Variants in RASAL2 observed in about 807,000 individuals in gnomAD.
RASAL2 encodes ras GTPase-activating protein nGAP.
RASAL2 carries 58 observed loss-of-function variants against 128.9 expected under a neutral mutation model. The ratio of observed to expected loss-of-function variants is 0.45; its 90% CI spans 0.36 to 0.56. RASAL2 has a LOEUF of 0.56. RASAL2 is among the 20% of genes least tolerant of loss of function. The pLI, the probability that RASAL2 is intolerant of heterozygous loss-of-function variation, is 0.00. For missense variants in RASAL2, 1,360 were observed against 1,601.6 expected (o/e 0.85, Z 2.57); for synonymous variants, 561 against 580.8 (o/e 0.97, Z 0.49).
chr1:178,223,723 C>A (rs1663693603), intron 1 of RASAL2, among the ~76,000 whole-genome samples: 1 of 151,978 alleles, frequency 6.6e-6, no homozygotes, highest in South Asian at 2.1e-4. Flanking sequence ...TTAGGAGGCT[C>A]TTGTAATCCA....
chr1:178,135,033 C>T (rs1660266064), intron 1 of RASAL2, among the ~76,000 whole-genome samples: 1 of 152,194 alleles, frequency 6.6e-6, no homozygotes, highest in African/African-American at 2.4e-5. Context: ...GAGTCCTTCT[C>T]CACCATGATA....
intron 1 of RASAL2, among the ~76,000 whole-genome samples, chr1:178,133,734 G>A (rs2102311352): frequency 6.6e-6 from 1 of 152,246 alleles, no homozygotes; most frequent in South Asian, 2.1e-4. Context: ...GAATCCCCCT[G>A]AGGTTTAAAT....
In RASAL2 at chr1:178,109,496, T is replaced by C. The variant is rs550274713; in HGVS notation, c.202+14802T>C. ...TTCCTCTTGAGCCTGACTATACTTA[T>C]GGTACATATGCTTTATAATTCATAA... On this transcript the variant is annotated intron_variant, in intron 1 of 17. Coordinates refer to ENST00000367649, the MANE Select transcript of RASAL2 (RefSeq NM_170692.4). 3.0e-3 allele frequency among the ~76,000 whole-genome samples: 454 copies of C among 152,346 alleles called. 2 individuals are homozygous for C. Among genetic ancestry groups the C allele is most frequent in the African/African-American group, 0.01 (436 of 41,576 alleles).
At chr1:178,440,783 A>G (rs1444077746) in intron 6 of RASAL2, among the ~76,000 whole-genome samples, 3 of 152,178 alleles carry the variant, frequency 2.0e-5, no homozygotes, top group South Asian at 2.1e-4. Context: ...ATAAATGACT[A>G]GAAATCAACA....
intron 1 of RASAL2, among the ~76,000 whole-genome samples, chr1:178,266,789 C>G (rs779223424): frequency 6.6e-6 from 1 of 152,094 alleles, no homozygotes; most frequent in African/African-American, 2.4e-5. Flanking sequence ...ATTCATGTAG[C>G]CTGTGGGAAA....
chr1:178,111,148 A>G (rs1206278450), intron 1 of RASAL2, among the ~76,000 whole-genome samples: 1 of 152,192 alleles, frequency 6.6e-6, no homozygotes, highest in East Asian at 1.9e-4. Flanking sequence ...TCCCATCGAT[A>G]TTCTACAATT....
chr1:178,212,293 A>G (rs1352636446), intron 1 of RASAL2, among the ~76,000 whole-genome samples: 2 of 152,206 alleles, frequency 1.3e-5, no homozygotes, highest in Non-Finnish European at 2.9e-5. Context: ...ATTCCCAAAC[A>G]CAAAATGTAA....
At chr1:178,303,348 A>G (rs926080352) in intron 3 of RASAL2, among the ~76,000 whole-genome samples, 1 of 152,164 alleles carries the variant, frequency 6.6e-6, no homozygotes, top group Admixed American at 6.5e-5. Flanking sequence ...GGATAAAGAA[A>G]GATTTCTTAA....
chr1:178,464,827 A>AGTT (rs1337036563), intron 15 of RASAL2, among the ~76,000 whole-genome samples: 3 of 34,874 alleles, frequency 8.6e-5, no homozygotes, highest in African/African-American at 4.4e-4. Flanking sequence ...TTTTGGTTTT[A>AGTT]GTTGTTTTTT....
At chr1:178,417,751 C>A (rs1674858654) in intron 4 of RASAL2, among the ~76,000 whole-genome samples, 1 of 121,352 alleles carries the variant, frequency 8.2e-6, no homozygotes. Context: ...AAGAGTGAAA[C>A]TCCGTCTAAA....
intron 9 of RASAL2, among the ~76,000 whole-genome samples, chr1:178,447,215 A>G (rs1417974725): frequency 6.6e-6 from 1 of 152,034 alleles, no homozygotes; most frequent in Non-Finnish European, 1.5e-5. Flanking sequence ...CCAGCTACTC[A>G]GGAGGCCAAG....
chr1:178,185,903 T>C (rs1299705208), intron 1 of RASAL2, among the ~76,000 whole-genome samples: 1 of 152,160 alleles, frequency 6.6e-6, no homozygotes, highest in Non-Finnish European at 1.5e-5. Flanking sequence ...GCTTCATAGA[T>C]TGAATTAGGA....
intron 2 of RASAL2, 36 bp from the exon 3 acceptor site, chr1:178,299,956 A>G: frequency 6.2e-7 from 1 of 1,604,740 alleles, no homozygotes; most frequent in Non-Finnish European, 8.5e-7. Context: ...TGGTGAGTTC[A>G]CTATTAAGTT....
chr1:178,275,638 C>T (rs1278689969), intron 1 of RASAL2, among the ~76,000 whole-genome samples: 3 of 152,142 alleles, frequency 2.0e-5, no homozygotes, highest in African/African-American at 2.4e-5. Context: ...TACTTTTTTA[C>T]CAGATAACTC....
rs1483816781 is a variant in RASAL2, at chr1:178,468,152, TTTTTA to T, written c.3678+738_3678+742del. Among the ~76,000 whole-genome samples, 4 of 152,240 alleles carry T rather than the reference TTTTTA, an allele frequency of 2.6e-5. No homozygotes were observed. The East Asian group carries it at 7.7e-4, about 29-fold the overall frequency. On this transcript the variant is annotated intron_variant, in intron 17 of 17. Coordinates refer to ENST00000367649, the MANE Select transcript of RASAL2 (RefSeq NM_170692.4). ...GGAGGCAAGAAGTGTTTCTAACTCC[TTTTTA>T]TTTTATCATTGCAAAATATGGTTGT...
intron 1 of RASAL2, among the ~76,000 whole-genome samples, chr1:178,099,001 A>G (rs983071257): frequency 2.0e-5 from 3 of 152,230 alleles, no homozygotes; most frequent in African/African-American, 7.2e-5. Flanking sequence ...GACAGAAGTC[A>G]TATCTGGTTG....
chr1:178,343,583 A>G (rs1669992565), intron 3 of RASAL2, among the ~76,000 whole-genome samples: 2 of 152,202 alleles, frequency 1.3e-5, no homozygotes, highest in African/African-American at 2.4e-5. Flanking sequence ...TGGCCTGAGT[A>G]TATTTTCTGA....
chr1:178,094,812 A>ATG, intron 1 of RASAL2, 118 bp downstream of exon 1: 1 of 1,258,072 alleles, frequency 7.9e-7, no homozygotes, highest in South Asian at 1.5e-5. Flanking sequence ...AGTTTCCCAC[A>ATG]TCCCTTTTTG....
intron 1 of RASAL2, among the ~76,000 whole-genome samples, chr1:178,110,650 A>ATATATATATATATG (rs68137228): frequency 0.078 from 10,871 of 138,944 alleles, 604 homozygotes; most frequent in Middle Eastern, 0.18. Flanking sequence ...ATATATATAT[A>ATATATATATATATG]TATGTATGTA....
Sources: allele counts gnomAD v4.1 joint callset (sites outside exome capture counted in the v4.1 genomes callset), GRCh38; gene constraint gnomAD v4.1.1; transcripts MANE v1.5; gene names NCBI Gene and HGNC (gene_info 2026-07-23, HGNC 2026-07-21).